The following PTPRT variants were observed in gnomAD, a reference collection of about 807,000 sequenced individuals.
The protein encoded by PTPRT is receptor-type tyrosine-protein phosphatase T.
In PTPRT, 56 loss-of-function variants were observed where a neutral mutation model predicts 176.8. The observed-to-expected ratio is 0.32, with a 90% CI of 0.26 to 0.40. PTPRT has a LOEUF of 0.40. Ranked by LOEUF, PTPRT falls within the 10% of genes least tolerant of loss-of-function variation. The pLI, the probability that PTPRT is intolerant of heterozygous loss-of-function variation, is 1.00. For synonymous variants in PTPRT, 783 were observed against 739.0 expected, an observed-to-expected ratio of 1.06 and a Z score of -0.96; for missense variants, 1,540 against 1,908.2, an observed-to-expected ratio of 0.81 and a Z score of 3.60.
At position 43,189,318 on chromosome 20, in the gene PTPRT, T is replaced by C. The variant is rs2015477515; in HGVS notation, c.88+328A>G. Among the ~76,000 whole-genome samples the C allele has an allele frequency of 6.6e-6, 1 of 151,988 alleles. No homozygotes were observed. Among genetic ancestry groups the C allele is most frequent in the Non-Finnish European group, 1.5e-5 (1 of 67,988 alleles). On this transcript the variant is annotated intron_variant, in intron 1 of 30. Transcript: ENST00000373187. The surrounding 1 kb of genome is among the most constrained non-coding windows in gnomAD (Gnocchi z 5.0). ...CGTCTCGCCGCCCCAAACACTCAAGTGGCAGATTCCGACAAGTGGGAGGCA... is the reference window on the plus strand; with the variant it reads ...CGTCTCGCCGCCCCAAACACTCAAGCGGCAGATTCCGACAAGTGGGAGGCA...
intron 2 of PTPRT, among the ~76,000 whole-genome samples, chr20:42,799,521 A>T (rs2145579401): frequency 6.6e-6 from 1 of 152,290 alleles, no homozygotes; most frequent in Non-Finnish European, 1.5e-5. Context: ...ATTCAATTCA[A>T]TCTCCCAGGA....
At chr20:43,125,400 C>T (rs951790018) in intron 1 of PTPRT, among the ~76,000 whole-genome samples, 1 of 152,148 alleles carries the variant, frequency 6.6e-6, no homozygotes, top group East Asian at 1.9e-4. Flanking sequence ...CACTTTTGAC[C>T]TCATTTCTCA....
At chr20:42,342,726 A>T (rs185082755) in intron 11 of PTPRT, among the ~76,000 whole-genome samples, 55 of 152,306 alleles carry the variant, frequency 3.6e-4, no homozygotes, top group Non-Finnish European at 4.4e-4. Flanking sequence ...GGCTTCATGG[A>T]CCAGCAAAAC....
chr20:42,299,772 C>T (rs921461488), intron 12 of PTPRT, among the ~76,000 whole-genome samples: 22 of 151,238 alleles, frequency 1.5e-4, no homozygotes, highest in South Asian at 1.3e-3. Context: ...CTCAGCCTCC[C>T]GAGTAGCTGG....
intron 16 of PTPRT, among the ~76,000 whole-genome samples, chr20:42,193,019 C>T (rs1436091980): frequency 6.6e-6 from 1 of 152,194 alleles, no homozygotes; most frequent in Non-Finnish European, 1.5e-5. Flanking sequence ...GTCTCTCCTT[C>T]ACTCGCCTTC....
intron 2 of PTPRT, among the ~76,000 whole-genome samples, chr20:42,838,975 G>A (rs1343250418): frequency 6.6e-6 from 1 of 152,046 alleles, no homozygotes; most frequent in Non-Finnish European, 1.5e-5. Context: ...CAGGAAACAG[G>A]ACTCATGTAT....
chr20:42,556,609 T>C (rs2072865849), intron 7 of PTPRT, among the ~76,000 whole-genome samples: 3 of 152,072 alleles, frequency 2.0e-5, no homozygotes, highest in African/African-American at 7.2e-5. Context: ...CTCAGAGACA[T>C]GAAGTAACTC....
chr20:43,170,950 G>T (rs990731905), intron 1 of PTPRT, among the ~76,000 whole-genome samples: 1 of 152,192 alleles, frequency 6.6e-6, no homozygotes, highest in South Asian at 2.1e-4. Flanking sequence ...TGCTGGTCTG[G>T]AAATGAACAT....
chr20:42,699,418 G>T (rs1275106455), intron 6 of PTPRT, among the ~76,000 whole-genome samples: 2 of 152,050 alleles, frequency 1.3e-5, no homozygotes, highest in Admixed American at 1.3e-4. Context: ...TAAATAAGGT[G>T]CACACTCATG....
chr20:42,145,447 C>T (rs930465212), intron 17 of PTPRT, among the ~76,000 whole-genome samples: 5 of 152,070 alleles, frequency 3.3e-5, no homozygotes, highest in Non-Finnish European at 7.4e-5. Context: ...TTGCAGTGAG[C>T]CGAGATCACG....
intron 6 of PTPRT, among the ~76,000 whole-genome samples, chr20:42,718,113 T>C (rs1408928612): frequency 1.3e-5 from 2 of 152,242 alleles, no homozygotes; most frequent in Non-Finnish European, 2.9e-5. Flanking sequence ...AGTCCAATAC[T>C]ACCAAAAACA....
At chr20:42,461,614 A>G (rs2071021268) in intron 8 of PTPRT, among the ~76,000 whole-genome samples, 1 of 152,224 alleles carries the variant, frequency 6.6e-6, no homozygotes, top group Non-Finnish European at 1.5e-5. Context: ...CAAAGTACAA[A>G]AAGTGTTTTA....
chr20:42,816,145 A>T (rs2077780684), intron 2 of PTPRT, among the ~76,000 whole-genome samples: 1 of 152,208 alleles, frequency 6.6e-6, no homozygotes, highest in Admixed American at 6.5e-5. Flanking sequence ...TTCAGTGAAG[A>T]TTGGAACAGT....
chr20:43,081,862 CATCTACAATGGAG>C (rs1481607995), intron 1 of PTPRT, among the ~76,000 whole-genome samples: 3 of 152,124 alleles, frequency 2.0e-5, no homozygotes, highest in African/African-American at 7.2e-5. Context: ...TTCAAATCTC[CATCTACAATGGAG>C]ATTATCTATT....
At chr20:43,158,928 C>A (rs2014605561) in intron 1 of PTPRT, among the ~76,000 whole-genome samples, 1 of 152,186 alleles carries the variant, frequency 6.6e-6, no homozygotes, top group Non-Finnish European at 1.5e-5. Context: ...AGCACAGCAC[C>A]TGGGACATAG....
At chr20:42,165,639 T>C (rs776171146) in intron 16 of PTPRT, among the ~76,000 whole-genome samples, 5 of 152,260 alleles carry the variant, frequency 3.3e-5, no homozygotes, top group Non-Finnish European at 5.9e-5. Flanking sequence ...ACTAATCACA[T>C]GTGGCTACTG....
At chr20:42,778,115 C>T (rs1431218524) in intron 4 of PTPRT, among the ~76,000 whole-genome samples, 2 of 152,184 alleles carry the variant, frequency 1.3e-5, no homozygotes, top group African/African-American at 4.8e-5. Context: ...AGAATCCTGA[C>T]TTCAGGAGCA....
intron 1 of PTPRT, among the ~76,000 whole-genome samples, chr20:42,985,472 C>A (rs975962666): frequency 6.6e-6 from 1 of 151,926 alleles, no homozygotes; most frequent in African/African-American, 2.4e-5. Context: ...CCAGCCTGGG[C>A]AACAGAGTGA....
At chr20:42,583,209 G>C (rs936823034) in intron 7 of PTPRT, among the ~76,000 whole-genome samples, 4 of 152,290 alleles carry the variant, frequency 2.6e-5, no homozygotes, top group South Asian at 2.1e-4. Context: ...CATTCTTAGA[G>C]ACTCTGTAGT....
Sources: allele counts gnomAD v4.1 joint callset (sites outside exome capture counted in the v4.1 genomes callset), GRCh38; gene constraint gnomAD v4.1.1; non-coding constraint Gnocchi (gnomAD v3.1); transcripts MANE v1.5; gene names NCBI Gene and HGNC (gene_info 2026-07-23, HGNC 2026-07-21).